Variants in PTPRD observed in about 807,000 individuals in gnomAD.
PTPRD encodes protein tyrosine phosphatase receptor type D.
A neutral mutation model predicts 214.5 loss-of-function variants in PTPRD; 34 were observed. That is an observed-to-expected ratio of 0.16 (90% CI 0.12 to 0.21). The LOEUF (loss-of-function observed/expected upper bound fraction) is 0.21, where lower values mean the gene tolerates loss of function less well. PTPRD is among the 10% of genes least tolerant of loss of function. The pLI is 1.00. For synonymous variants in PTPRD, 1,128 were observed against 845.7 expected, an observed-to-expected ratio of 1.33 and a Z score of -5.79; for missense variants, 2,545 against 2,398.7, an observed-to-expected ratio of 1.06 and a Z score of -1.27.
chr9:10,180,985 T>G (rs1355282456), intron 3 of PTPRD, among the ~76,000 whole-genome samples: 1 of 152,098 alleles, frequency 6.6e-6, no homozygotes, highest in African/African-American at 2.4e-5. Flanking sequence ...TAGAATTTAT[T>G]AAGATTAAGA....
intron 3 of PTPRD, among the ~76,000 whole-genome samples, chr9:10,076,046 C>T (rs77239436): frequency 0.019 from 2,931 of 152,124 alleles, 106 homozygotes; most frequent in African/African-American, 0.066. Flanking sequence ...AAATTCTGGC[C>T]TCAGTACCTC....
At chr9:9,942,097 T>C (rs183904761) in intron 4 of PTPRD, among the ~76,000 whole-genome samples, 135 of 152,282 alleles carry the variant, frequency 8.9e-4, no homozygotes, top group African/African-American at 3.0e-3. Context: ...GGACAAAATA[T>C]TACTCTCACA....
chr9:10,060,901 T>TTCCTTCC (rs1567408363), intron 3 of PTPRD, among the ~76,000 whole-genome samples: 15 of 32,526 alleles, frequency 4.6e-4, no homozygotes, highest in East Asian at 4.2e-3. Context: ...TCCTTCCTTC[T>TTCCTTCC]TTCTTTCTTT....
At chr9:10,087,622 C>T (rs2098367306) in intron 3 of PTPRD, among the ~76,000 whole-genome samples, 1 of 151,588 alleles carries the variant, frequency 6.6e-6, no homozygotes, top group Non-Finnish European at 1.5e-5. Flanking sequence ...GAGAACTCTC[C>T]AAAACATCCC....
At chr9:10,140,098 C>T (rs968190669) in intron 3 of PTPRD, among the ~76,000 whole-genome samples, 1 of 151,954 alleles carries the variant, frequency 6.6e-6, no homozygotes, top group Non-Finnish European at 1.5e-5. Context: ...TGTGAAGAAG[C>T]TCTGACAATC....
At chr9:8,760,935 C>T (rs1327018562) in intron 11 of PTPRD, among the ~76,000 whole-genome samples, 2 of 152,052 alleles carry the variant, frequency 1.3e-5, no homozygotes, top group African/African-American at 4.8e-5. Flanking sequence ...GTGCCTACTG[C>T]ATAATAGGAA....
At chr9:10,070,883 TGAGTCCA>T (rs1402611495) in intron 3 of PTPRD, among the ~76,000 whole-genome samples, 1 of 151,984 alleles carries the variant, frequency 6.6e-6, no homozygotes, top group African/African-American at 2.4e-5. Context: ...AATAGAGTCA[TGAGTCCA>T]CAAAAATCCC....
chr9:10,141,504 G>A (rs1005581656), intron 3 of PTPRD, among the ~76,000 whole-genome samples: 8 of 152,076 alleles, frequency 5.3e-5, no homozygotes, highest in African/African-American at 1.9e-4. Context: ...ATTCACAATT[G>A]CTTCAAAGAG....
intron 2 of PTPRD, among the ~76,000 whole-genome samples, chr9:10,395,272 C>T (rs2098145788): frequency 6.6e-6 from 1 of 150,704 alleles, no homozygotes; most frequent in African/African-American, 2.4e-5. Context: ...CCACAACAGG[C>T]CCCAGTGTGT....
At chr9:10,078,900 C>T (rs2098183150) in intron 3 of PTPRD, among the ~76,000 whole-genome samples, 1 of 152,096 alleles carries the variant, frequency 6.6e-6, no homozygotes, top group South Asian at 2.1e-4. Context: ...TTTTCAGACT[C>T]CTCACCATCT....
In PTPRD at chr9:8,371,498, A is replaced by T. The variant is rs1409769993; in HGVS notation, c.4661+4438T>A. Among the ~76,000 whole-genome samples the T allele has an allele frequency of 3.4e-4, 52 of 152,136 alleles. 1 individual carries two copies. Among genetic ancestry groups the T allele is most frequent in the Admixed American group, 3.1e-3 (47 of 15,254 alleles). On this transcript the variant is annotated intron_variant, in intron 39 of 45. Transcript: ENST00000381196. The stretch of plus-strand genomic sequence containing the variant: ...AACCTATTCTATGAGAATTTACAGA[A>T]TATTTAATTCTTCCTGTGGGAAGAT...
intron 11 of PTPRD, among the ~76,000 whole-genome samples, chr9:8,927,415 G>T (rs915852624): frequency 3.3e-5 from 5 of 151,980 alleles, no homozygotes; most frequent in Admixed American, 6.6e-5. Context: ...GTGTCCATGT[G>T]TTCTCATTGT....
intron 12 of PTPRD, among the ~76,000 whole-genome samples, chr9:8,672,677 T>C (rs1033009692): frequency 5.9e-5 from 9 of 152,122 alleles, no homozygotes; most frequent in Non-Finnish European, 1.2e-4. Flanking sequence ...ACTTCACAAA[T>C]AGATGATGTC....
At chr9:10,157,807 C>T (rs2099102736) in intron 3 of PTPRD, among the ~76,000 whole-genome samples, 2 of 152,084 alleles carry the variant, frequency 1.3e-5, no homozygotes, top group South Asian at 4.2e-4. Context: ...CATACATAAC[C>T]TCATGCTTTT....
chr9:9,703,074 G>C (rs2097533512), intron 7 of PTPRD, among the ~76,000 whole-genome samples: 1 of 152,144 alleles, frequency 6.6e-6, no homozygotes, highest in Non-Finnish European at 1.5e-5. Flanking sequence ...GGGAAGAACT[G>C]ATAAGAGGTG....
chr9:10,065,622 G>C (rs762464525), intron 3 of PTPRD, among the ~76,000 whole-genome samples: 2 of 151,760 alleles, frequency 1.3e-5, no homozygotes, highest in Non-Finnish European at 2.9e-5. Context: ...AATTTTCTTA[G>C]CTACAGATTG....
In PTPRD at chr9:9,333,243, T is replaced by G. The variant is rs115172575; in HGVS notation, c.-203+64206A>C. On this transcript the variant is annotated intron_variant, in intron 9 of 45. Transcript: ENST00000381196. ...ATAAGAAAAGGCTTTGTAGGTGACA[T>G]AGAATAAGGGCTTGAAATGTGGCTG... Among the ~76,000 whole-genome samples the G allele has an allele frequency of 2.3e-3, 351 of 151,440 alleles. 4 individuals carry two copies. The highest frequency in any genetic ancestry group is 8.1e-3 in the African/African-American group (335 of 41,284).
intron 9 of PTPRD, among the ~76,000 whole-genome samples, chr9:9,331,060 C>A (rs891937992): frequency 5.3e-5 from 8 of 151,926 alleles, no homozygotes; most frequent in African/African-American, 1.9e-4. Context: ...AGAGTCTAAG[C>A]AAACATGAAG....
chr9:9,142,312 A>G (rs1450281444), intron 10 of PTPRD, among the ~76,000 whole-genome samples: 1 of 152,194 alleles, frequency 6.6e-6, no homozygotes, highest in East Asian at 1.9e-4. Flanking sequence ...GGCATAAGGG[A>G]CAGGAGAGGT....
Sources: gnomAD v4.1 joint callset for allele counts (sites outside exome capture counted in the v4.1 genomes callset) on GRCh38, gnomAD v4.1.1 for gene constraint, MANE v1.5 for transcripts, NCBI Gene and HGNC (gene_info 2026-07-23, HGNC 2026-07-21) for gene names.